Variants in RBFOX1 observed in about 807,000 individuals in gnomAD.
RBFOX1 encodes the protein RNA binding protein fox-1 homolog 1.
Under a neutral mutation model 57.7 loss-of-function variants are expected in RBFOX1, and 8 were observed. That is an observed-to-expected ratio of 0.14 (90% CI 0.08 to 0.25). RBFOX1 has a LOEUF of 0.25. RBFOX1 is among the 10% of genes least tolerant of loss of function. The pLI, the probability that RBFOX1 is intolerant of heterozygous loss-of-function variation, is 1.00. For synonymous variants in RBFOX1, 326 were observed against 222.4 expected (o/e 1.47, Z -4.15); for missense variants, 611 against 548.5 (o/e 1.11, Z -1.14).
intron 3 of RBFOX1, among the ~76,000 whole-genome samples, chr16:5,620,865 C>T (rs969824761): frequency 6.6e-6 from 1 of 151,958 alleles, no homozygotes; most frequent in African/African-American, 2.4e-5. Context: ...TTTTTTGAGA[C>T]AGAGTTGCTC....
intron 3 of RBFOX1, among the ~76,000 whole-genome samples, chr16:6,812,094 A>T (rs1038564347): frequency 6.6e-6 from 1 of 152,144 alleles, no homozygotes; most frequent in African/African-American, 2.4e-5. Flanking sequence ...ACTCCATATG[A>T]TGAAGAAGCC....
chr16:6,389,176 G>C (rs191090124), intron 2 of RBFOX1, among the ~76,000 whole-genome samples: 1 of 152,202 alleles, frequency 6.6e-6, no homozygotes, highest in Non-Finnish European at 1.5e-5. Flanking sequence ...GATGCATGCT[G>C]CAGGGATTCA....
At chr16:5,914,495 G>A (rs1026226082) in intron 4 of RBFOX1, among the ~76,000 whole-genome samples, 3 of 152,122 alleles carry the variant, frequency 2.0e-5, no homozygotes, top group Admixed American at 6.5e-5. Context: ...GCTCACTCAT[G>A]TGGTTGTTGG....
intron 4 of RBFOX1, among the ~76,000 whole-genome samples, chr16:7,429,681 C>T (rs149617235): frequency 4.6e-5 from 7 of 152,124 alleles, no homozygotes; most frequent in African/African-American, 1.4e-4. Flanking sequence ...TGGGACATGG[C>T]AAAGGTAGAT....
intron 3 of RBFOX1, among the ~76,000 whole-genome samples, chr16:7,028,727 A>C (rs2041769287): frequency 6.6e-6 from 1 of 151,446 alleles, no homozygotes; most frequent in African/African-American, 2.4e-5. Context: ...GCAGGACTTG[A>C]TATGCACAGG....
At chr16:6,234,182 G>C (rs2097487612) in intron 1 of RBFOX1, among the ~76,000 whole-genome samples, 3 of 152,180 alleles carry the variant, frequency 2.0e-5, no homozygotes, top group Admixed American at 1.3e-4. Context: ...GTGGCATTAA[G>C]TCTCATTGCC....
chr16:7,214,544 G>C (rs1184682651), intron 4 of RBFOX1, among the ~76,000 whole-genome samples: 3 of 151,868 alleles, frequency 2.0e-5, no homozygotes, highest in Non-Finnish European at 4.4e-5. Context: ...AAACCGCTGT[G>C]GTTTCTGCTT....
At chr16:7,702,008 G>A (rs539100960) in intron 14 of RBFOX1, among the ~76,000 whole-genome samples, 8 of 152,258 alleles carry the variant, frequency 5.3e-5, no homozygotes, top group African/African-American at 1.9e-4. Flanking sequence ...GGCACCTGTT[G>A]TCTCTCCATG....
chr16:5,568,863 T>C (rs1255370746), intron 2 of RBFOX1, among the ~76,000 whole-genome samples: 1 of 152,118 alleles, frequency 6.6e-6, no homozygotes, highest in Non-Finnish European at 1.5e-5. Flanking sequence ...GTTGTTGAGA[T>C]GGAGTCTTGC....
At chr16:6,822,589 A>G (rs1221822188) in intron 3 of RBFOX1, among the ~76,000 whole-genome samples, 1 of 152,160 alleles carries the variant, frequency 6.6e-6, no homozygotes, top group African/African-American at 2.4e-5. Context: ...CTTGCATTTT[A>G]TTTCCCATCA....
intron 2 of RBFOX1, among the ~76,000 whole-genome samples, chr16:6,627,315 C>G (rs915899593): frequency 4.6e-5 from 7 of 152,136 alleles, no homozygotes; most frequent in African/African-American, 1.7e-4. Flanking sequence ...TCTAGGTATA[C>G]CTTACCTACT....
At chr16:7,001,506 G>C (rs537067074) in intron 3 of RBFOX1, among the ~76,000 whole-genome samples, 2 of 152,146 alleles carry the variant, frequency 1.3e-5, no homozygotes, top group East Asian at 3.9e-4. Flanking sequence ...GCCGAGGATG[G>C]AGTACAGTTG....
intron 3 of RBFOX1, among the ~76,000 whole-genome samples, chr16:6,815,303 C>G (rs1281901934): frequency 2.0e-5 from 3 of 152,070 alleles, no homozygotes; most frequent in Admixed American, 6.6e-5. Flanking sequence ...ATTTTATTTT[C>G]TAGGTCTTTG....
At chr16:6,682,115 G>A (rs998009050) in intron 3 of RBFOX1, among the ~76,000 whole-genome samples, 1 of 152,098 alleles carries the variant, frequency 6.6e-6, no homozygotes, top group African/African-American at 2.4e-5. Context: ...GTTCTTCCTG[G>A]GCAATAGTGA....
At chr16:6,131,930 G>A (rs2096632716) in intron 1 of RBFOX1, among the ~76,000 whole-genome samples, 1 of 152,188 alleles carries the variant, frequency 6.6e-6, no homozygotes, top group African/African-American at 2.4e-5. Context: ...TGCACGTCTG[G>A]CGGATAATGA....
chr16:6,190,430 A>G (rs923539382), intron 1 of RBFOX1, among the ~76,000 whole-genome samples: 1 of 152,220 alleles, frequency 6.6e-6, no homozygotes, highest in Non-Finnish European at 1.5e-5. Flanking sequence ...GGCTTTATGC[A>G]ACAGACTAGG....
chr16:6,820,589 T>G (rs7191728), intron 3 of RBFOX1, among the ~76,000 whole-genome samples: 8 of 151,710 alleles, frequency 5.3e-5, no homozygotes, highest in Non-Finnish European at 7.4e-5. Context: ...AGCCCGGGAG[T>G]TAGAGGCTGC....
At chr16:5,274,161 C>T (rs988415414) in intron 1 of RBFOX1, among the ~76,000 whole-genome samples, 22 of 152,188 alleles carry the variant, frequency 1.4e-4, no homozygotes, top group African/African-American at 5.3e-4. Flanking sequence ...TCTCTCATGC[C>T]TTGTGTTCTT....
intron 4 of RBFOX1, among the ~76,000 whole-genome samples, chr16:7,501,292 G>A (rs574936413): frequency 1.3e-5 from 2 of 152,318 alleles, no homozygotes; most frequent in Non-Finnish European, 2.9e-5. Context: ...ATGTCAAAAT[G>A]TAGCTTAAAT....
Sources: allele counts gnomAD v4.1 joint callset (sites outside exome capture counted in the v4.1 genomes callset), GRCh38; gene constraint gnomAD v4.1.1; transcripts MANE v1.5; gene names NCBI Gene and HGNC (gene_info 2026-07-23, HGNC 2026-07-21).